Variants in BEND7 observed in about 807,000 individuals in gnomAD.
BEND7 encodes the protein BEN domain-containing protein 7.
In BEND7, 28 loss-of-function variants were observed where a neutral mutation model predicts 50.9. The observed-to-expected ratio is 0.55, with a 90% CI of 0.41 to 0.75. The LOEUF is 0.75. BEND7 is among the 30% of genes least tolerant of loss of function. The pLI is 0.00. For missense variants in BEND7, 477 were observed against 491.3 expected, an observed-to-expected ratio of 0.97 and a Z score of 0.28; for synonymous variants, 170 against 183.9, an observed-to-expected ratio of 0.92 and a Z score of 0.61.
intron 2 of BEND7, among the ~76,000 whole-genome samples, chr10:13,513,986 C>G (rs577915752): frequency 6.6e-6 from 1 of 152,356 alleles, no homozygotes; most frequent in Admixed American, 6.5e-5. Context: ...CTGTGCAGCC[C>G]TGGCCCTGCC....
intron 2 of BEND7, among the ~76,000 whole-genome samples, chr10:13,503,239 G>A (rs1050726868): frequency 1.3e-5 from 2 of 152,208 alleles, no homozygotes; most frequent in African/African-American, 2.4e-5. Flanking sequence ...GCCGTGTGCA[G>A]AAACATGTCT....
Position 13,516,108 on chromosome 10 carries a change from A to T in BEND7, c.145+10030T>A, listed in dbSNP as rs556608576. On this transcript the variant is annotated intron_variant, in intron 2 of 8. Coordinates refer to ENST00000466271, the MANE Select transcript of BEND7 (RefSeq NM_001369863.1). Reference sequence around the variant, plus strand: ...CTCATTCATTTATTCAAGAATAGTTATTAAGAGTCTACTCTGCACCAAGGA... The same window carrying T: ...CTCATTCATTTATTCAAGAATAGTTTTTAAGAGTCTACTCTGCACCAAGGA... Among the ~76,000 whole-genome samples, 24 of 152,370 alleles carry T rather than the reference A, an allele frequency of 1.6e-4. No homozygotes were observed. In the South Asian group the frequency reaches 4.1e-3, roughly 26 times the overall value.
intron 2 of BEND7, among the ~76,000 whole-genome samples, chr10:13,503,198 G>A (rs1490364061): frequency 6.6e-6 from 1 of 152,224 alleles, no homozygotes; most frequent in Non-Finnish European, 1.5e-5. Flanking sequence ...AAGGTGGCAG[G>A]TGTGAGGGGT....
chr10:13,504,031 T>C (rs915319312), intron 2 of BEND7, among the ~76,000 whole-genome samples: 3 of 152,148 alleles, frequency 2.0e-5, no homozygotes, highest in Admixed American at 6.5e-5. Context: ...TGACAGGCTT[T>C]GGCAGACAGG....
At chr10:13,448,891 T>C (rs968964893) in intron 7 of BEND7, among the ~76,000 whole-genome samples, 69 of 148,734 alleles carry the variant, frequency 4.6e-4, no homozygotes, top group Non-Finnish European at 1.3e-4. Context: ...AGGAGAATGG[T>C]GTGAACCCGG....
chr10:13,487,252 C>T (rs1027466871), intron 5 of BEND7, among the ~76,000 whole-genome samples: 6 of 152,148 alleles, frequency 3.9e-5, no homozygotes, highest in South Asian at 2.1e-4. Context: ...GCAAAAACCA[C>T]GGCTCAGAGA....
At chr10:13,447,471 G>T in intron 7 of BEND7, 155 bp from the exon 8 acceptor site, 59 of 361,906 alleles carry the variant, frequency 1.6e-4, no homozygotes, top group East Asian at 5.0e-4. Flanking sequence ...TATTACAGAT[G>T]TTAATATCAT....
At chr10:13,490,535 C>T (rs1166128545) in intron 5 of BEND7, among the ~76,000 whole-genome samples, 7 of 152,232 alleles carry the variant, frequency 4.6e-5, no homozygotes, top group Admixed American at 4.6e-4. Flanking sequence ...TCTAGCCCTC[C>T]TGATCTCCTG....
At chr10:13,478,972 A>G (rs2075659652) in intron 6 of BEND7, among the ~76,000 whole-genome samples, 1 of 151,938 alleles carries the variant, frequency 6.6e-6, no homozygotes, top group South Asian at 2.1e-4. Flanking sequence ...ACAGCAGTGA[A>G]GGAAATGAAG....
At chr10:13,500,209 A>C (rs1051642934) in intron 2 of BEND7, 129 bp from the exon 3 acceptor site, 1 of 843,390 alleles carries the variant, frequency 1.2e-6, no homozygotes. Context: ...CTATGAACTT[A>C]ATCTGTAAAA....
At chr10:13,471,354 T>C (rs2074808465) in intron 6 of BEND7, among the ~76,000 whole-genome samples, 1 of 152,238 alleles carries the variant, frequency 6.6e-6, no homozygotes, top group Admixed American at 6.5e-5. Flanking sequence ...CTTAATCCAG[T>C]ATCTGAAAAG....
chr10:13,490,388 C>T (rs1360639506), intron 5 of BEND7, among the ~76,000 whole-genome samples: 4 of 152,228 alleles, frequency 2.6e-5, no homozygotes, highest in African/African-American at 7.2e-5. Context: ...TTGCTCTCCG[C>T]GTCTCAGTTG....
chr10:13,518,802 G>A (rs1283460601), intron 2 of BEND7, among the ~76,000 whole-genome samples: 2 of 152,192 alleles, frequency 1.3e-5, no homozygotes, highest in East Asian at 3.8e-4. Flanking sequence ...CAATATAGCA[G>A]TATACTTTAC....
chr10:13,478,252 G>A (rs2075600751), intron 6 of BEND7, among the ~76,000 whole-genome samples: 1 of 152,186 alleles, frequency 6.6e-6, no homozygotes, highest in Admixed American at 6.5e-5. Context: ...CACTTCCAGG[G>A]AGGGAGTTCA....
intron 6 of BEND7, among the ~76,000 whole-genome samples, chr10:13,469,795 G>A: frequency 6.6e-6 from 1 of 152,130 alleles, no homozygotes; most frequent in Admixed American, 6.6e-5. Flanking sequence ...AATTTTTAAG[G>A]GGTTTTCTTA....
intron 6 of BEND7, among the ~76,000 whole-genome samples, chr10:13,463,232 A>G (rs1402307412): frequency 6.6e-6 from 1 of 152,248 alleles, no homozygotes. Context: ...CAATAATGGA[A>G]CACTAGGCAG....
At chr10:13,439,460 C>G (rs1210874798), downstream of BEND7, 1 of 1,613,162 alleles carries the variant, frequency 6.2e-7, no homozygotes, top group Non-Finnish European at 8.5e-7. Context: ...CCGCTGCACT[C>G]CCACCCGGCA....
Position 13,528,571 on chromosome 10 carries a change from C to CG in BEND7, c.-39dup, listed in dbSNP as rs1379828262. 4.6e-5 allele frequency: 1 copy of CG among 21,932 alleles called. No homozygotes were observed. The highest frequency in any genetic ancestry group is 1.4e-3 in the African/African-American group (1 of 718). The allele number at this position is 21,932 out of a possible 1,614,324, so 1.4% of individuals were successfully genotyped here. On this transcript the variant is annotated 5_prime_UTR_variant, in exon 1 of 9. Transcript: ENST00000466271. ...GCGGCGGCGGGGGCTGAGGAGGCGG[C>CG]GGCAGCGGCGGCAGCGGCAGCGGCG...
At chr10:13,458,617 G>A (rs1267613484) in intron 6 of BEND7, among the ~76,000 whole-genome samples, 1 of 152,226 alleles carries the variant, frequency 6.6e-6, no homozygotes, top group Non-Finnish European at 1.5e-5. Flanking sequence ...TTTACATCAT[G>A]CATGGAAATC....
Sources: allele counts gnomAD v4.1 joint callset (sites outside exome capture counted in the v4.1 genomes callset), GRCh38; gene constraint gnomAD v4.1.1; transcripts MANE v1.5; gene names NCBI Gene and HGNC (gene_info 2026-07-23, HGNC 2026-07-21).